Variants in WHRN observed in about 807,000 individuals in gnomAD.
WHRN encodes whirlin, also known as CASK-interacting protein CIP98.
WHRN carries 41 observed loss-of-function variants against 68.3 expected under a neutral mutation model. The ratio of observed to expected loss-of-function variants is 0.60; its 90% CI spans 0.47 to 0.78. The LOEUF is 0.78. WHRN is among the 30% of genes least tolerant of loss of function. The pLI, the probability that WHRN is intolerant of heterozygous loss-of-function variation, is 0.00. For synonymous variants in WHRN, 560 were observed against 561.3 expected (o/e 1.00, Z 0.03); for missense variants, 1,243 against 1,244.7 (o/e 1.00, Z 0.02).
chr9:114,481,166 G>A (rs1366117862), intron 1 of WHRN, among the ~76,000 whole-genome samples: 1 of 152,198 alleles, frequency 6.6e-6, no homozygotes, highest in Non-Finnish European at 1.5e-5. Context: ...TCAAAGACAG[G>A]AGGGAGCCCT....
At chr9:114,434,525 T>TTCTCCGATTCC (rs1837683720) in intron 3 of WHRN, among the ~76,000 whole-genome samples, 1 of 151,980 alleles carries the variant, frequency 6.6e-6, no homozygotes, top group South Asian at 2.1e-4. Context: ...ACCCCTGACC[T>TTCTCCGATTCC]TTCCTCCAAG....
chr9:114,465,738 C>T (rs553727539), intron 3 of WHRN, among the ~76,000 whole-genome samples: 3 of 152,310 alleles, frequency 2.0e-5, no homozygotes, highest in East Asian at 1.9e-4. Flanking sequence ...GTCAGTTTAA[C>T]CTATGTCTCA....
At chr9:114,410,297 T>G (rs1376993536) in intron 7 of WHRN, among the ~76,000 whole-genome samples, 1 of 152,240 alleles carries the variant, frequency 6.6e-6, no homozygotes, top group African/African-American at 2.4e-5. Context: ...GACATGCAAC[T>G]ACTCGGTCCT....
At position 114,423,524 on chromosome 9, in the gene WHRN, C is replaced by T. The variant is rs779760634; in HGVS notation, c.1417-1G>A. The T allele has an allele frequency of 1.2e-5, 20 of 1,604,176 alleles. 1 individual carries two copies. In the South Asian group the frequency reaches 1.9e-4, roughly 15 times the overall value. The stretch of plus-strand genomic sequence containing the variant: ...CTCTCACCTCAGAGAGGAGTGAGAA[C>T]TGGAGGCGGGGACAAAAGGGGCACT... On this transcript the variant is annotated splice_acceptor_variant, in intron 6 of 11. Transcript: ENST00000362057. LOFTEE classifies it high-confidence loss of function.
At position 114,493,816 on chromosome 9, in the gene WHRN, C is replaced by G. The variant is rs139856802; in HGVS notation, c.618+10368G>C. Among the ~76,000 whole-genome samples, 201 of 152,358 alleles carry G rather than the reference C, an allele frequency of 1.3e-3. 3 individuals are homozygous for G. The highest frequency in any genetic ancestry group is 4.7e-3 in the African/African-American group (196 of 41,590). On this transcript the variant is annotated intron_variant, in intron 1 of 11. Transcript: ENST00000362057. The stretch of plus-strand genomic sequence containing the variant: ...GTGTGCCCAGGGGAGAACAGGGAAG[C>G]TGCAGCCTAGGTTTTCTCATCAAAT...
At position 114,424,364 on chromosome 9, in the gene WHRN, G is replaced by C. The variant is rs756931477; in HGVS notation, c.1386C>G (p.Ala462=). ...CGTGGGTGTTGAGCAGCTTGAACAG[G>C]GCCATGACGAGGGCCTCCACAGAGA... The part of the protein sequence containing the change: ...GSVSVEALVM[A]LFKLLNTHAK... Residue 462 remains alanine (A), a synonymous_variant, in exon 6 of 12, where the codon GCC becomes GCG. Coordinates refer to ENST00000362057, the MANE Select transcript of WHRN (RefSeq NM_015404.4). 1 of 1,612,332 alleles carries C rather than the reference G, an allele frequency of 6.2e-7. No homozygotes were observed. The highest frequency in any genetic ancestry group is 8.5e-7 in the Non-Finnish European group (1 of 1,179,996).
intron 1 of WHRN, among the ~76,000 whole-genome samples, chr9:114,479,487 A>C (rs978223990): frequency 3.9e-5 from 6 of 152,198 alleles, no homozygotes; most frequent in Admixed American, 2.0e-4. Context: ...CCATATGCTG[A>C]ATCCTGTTAG....
At chr9:114,410,711 T>C (rs1456017112) in intron 7 of WHRN, among the ~76,000 whole-genome samples, 1 of 152,250 alleles carries the variant, frequency 6.6e-6, no homozygotes, top group African/African-American at 2.4e-5. Context: ...ACTGCCCCCA[T>C]TTCCCCACAA....
chr9:114,423,576 A>C (rs1836520997), intron 6 of WHRN, 53 bp from the exon 7 acceptor site: 3 of 1,531,130 alleles, frequency 2.0e-6, no homozygotes, highest in Non-Finnish European at 1.8e-6. Flanking sequence ...TAGAAGGTGG[A>C]ACAGGGGCCC....
intron 3 of WHRN, among the ~76,000 whole-genome samples, chr9:114,426,835 T>A (rs1280604771): frequency 6.6e-6 from 1 of 152,254 alleles, no homozygotes; most frequent in Non-Finnish European, 1.5e-5. Context: ...CAACCATGCA[T>A]TCTTATATTA....
chr9:114,498,284 A>T (rs1478864898), intron 1 of WHRN, among the ~76,000 whole-genome samples: 2 of 152,172 alleles, frequency 1.3e-5, no homozygotes, highest in African/African-American at 4.8e-5. Flanking sequence ...ATTTCCTTTT[A>T]GCAGTGACAA....
At chr9:114,421,173 T>TG (rs972423602) in intron 7 of WHRN, among the ~76,000 whole-genome samples, 1 of 152,182 alleles carries the variant, frequency 6.6e-6, no homozygotes, top group Non-Finnish European at 1.5e-5. Context: ...TTCTGAGGCT[T>TG]GCCTTCCCCA....
At chr9:114,461,573 A>T (rs1235445255) in intron 3 of WHRN, among the ~76,000 whole-genome samples, 1 of 152,136 alleles carries the variant, frequency 6.6e-6, no homozygotes, top group Non-Finnish European at 1.5e-5. Context: ...TCTTCTCCCC[A>T]CCTGGCTTTC....
intron 4 of WHRN, 83 bp from the exon 5 acceptor site, chr9:114,425,107 G>T: frequency 7.1e-7 from 1 of 1,402,618 alleles, no homozygotes; most frequent in Non-Finnish European, 1.0e-6. Flanking sequence ...ACTTGGGGCA[G>T]GAAGAGCAAA....
In WHRN at chr9:114,467,347, C is replaced by T. The variant is rs534209029; in HGVS notation, c.838-955G>A. On this transcript the variant is annotated intron_variant, in intron 2 of 11. Coordinates refer to ENST00000362057, the MANE Select transcript of WHRN (RefSeq NM_015404.4). ...CTGAGGGGCCCGCAGTCTAGTGGTA[C>T]AGACAGTCAACAGGCCTTCACGGTA... 5.3e-5 allele frequency among the ~76,000 whole-genome samples: 8 copies of T among 152,172 alleles called. No homozygotes were observed. In the South Asian group the frequency reaches 1.7e-3, roughly 32 times the overall value.
intron 3 of WHRN, among the ~76,000 whole-genome samples, chr9:114,453,783 C>T (rs1381343745): frequency 3.3e-5 from 5 of 152,058 alleles, no homozygotes; most frequent in Non-Finnish European, 5.9e-5. Flanking sequence ...AAACTCAAGC[C>T]CAGACACTTT....
chr9:114,440,211 C>T (rs10817612), intron 3 of WHRN, among the ~76,000 whole-genome samples: 1 of 151,912 alleles, frequency 6.6e-6, no homozygotes, highest in Non-Finnish European at 1.5e-5. Context: ...CTGCACCCAG[C>T]CACAAATCTA....
intron 3 of WHRN, among the ~76,000 whole-genome samples, chr9:114,449,663 G>A (rs913907876): frequency 1.3e-5 from 2 of 152,002 alleles, no homozygotes; most frequent in African/African-American, 2.4e-5. Context: ...GGGGAGCAGA[G>A]GCTACAGCAA....
intron 3 of WHRN, among the ~76,000 whole-genome samples, chr9:114,431,787 T>A (rs1837446254): frequency 6.6e-6 from 1 of 152,180 alleles, no homozygotes; most frequent in Admixed American, 6.5e-5. Flanking sequence ...AGATGCTGTA[T>A]CCATCGGGGC....
Sources: allele counts gnomAD v4.1 joint callset (sites outside exome capture counted in the v4.1 genomes callset), GRCh38; gene constraint gnomAD v4.1.1; transcripts MANE v1.5; gene names NCBI Gene and HGNC (gene_info 2026-07-23, HGNC 2026-07-21).